The following TMEM135 variants were observed in gnomAD, a reference collection of about 807,000 sequenced individuals.
TMEM135 encodes the protein peroxisomal membrane protein 52.
Under a neutral mutation model 60.3 loss-of-function variants are expected in TMEM135, and 30 were observed. The ratio of observed to expected loss-of-function variants is 0.50; its 90% CI spans 0.37 to 0.68. TMEM135 has a LOEUF of 0.68. Ranked by LOEUF, TMEM135 falls within the 30% of genes least tolerant of loss-of-function variation. TMEM135 has a pLI of 0.00. For synonymous variants in TMEM135, 190 were observed against 186.7 expected (o/e 1.02, Z -0.14); for missense variants, 468 against 548.8 (o/e 0.85, Z 1.47).
At chr11:87,304,461 T>G (rs1396328258) in intron 8 of TMEM135, among the ~76,000 whole-genome samples, 1 of 142,446 alleles carries the variant, frequency 7.0e-6, no homozygotes, top group Non-Finnish European at 1.6e-5. Context: ...AGTGGACACT[T>G]AGAAGTGTGA....
At chr11:87,076,517 T>G (rs1856876951) in intron 3 of TMEM135, among the ~76,000 whole-genome samples, 1 of 152,198 alleles carries the variant, frequency 6.6e-6, no homozygotes, top group South Asian at 2.1e-4. Context: ...GGAGCCTGCT[T>G]GTTGCTTTAC....
intron 5 of TMEM135, among the ~76,000 whole-genome samples, chr11:87,173,050 A>G (rs2135291984): frequency 6.6e-6 from 1 of 152,162 alleles, no homozygotes; most frequent in Non-Finnish European, 1.5e-5. Flanking sequence ...TATACAAGGA[A>G]ACCTAGAAGT....
chr11:87,158,819 TC>T (rs541687925), intron 5 of TMEM135, among the ~76,000 whole-genome samples: 164 of 152,326 alleles, frequency 1.1e-3, no homozygotes, highest in African/African-American at 3.8e-3. Flanking sequence ...ACTTAATTGA[TC>T]CCTTTGTATT....
chr11:87,236,700 C>G lies in TMEM135; in HGVS notation c.509+16C>G. The G allele has an allele frequency of 1.2e-5, 19 of 1,607,880 alleles. No homozygotes were observed. Among genetic ancestry groups the G allele is most frequent in the Non-Finnish European group, 1.6e-5 (19 of 1,175,062 alleles). ...TCTTTTTCAGGTATGTTCTGTTATA[C>G]TTATTTACTTTAATACCCCAAACAG... On this transcript the variant is annotated intron_variant, in intron 6 of 14. Coordinates refer to ENST00000305494, the MANE Select transcript of TMEM135 (RefSeq NM_022918.4).
At chr11:87,235,186 T>A (rs1940969185) in intron 5 of TMEM135, among the ~76,000 whole-genome samples, 1 of 151,884 alleles carries the variant, frequency 6.6e-6, no homozygotes, top group South Asian at 2.1e-4. Context: ...TTTACATGCT[T>A]TAAGTTATGT....
chr11:87,321,506 T>TGC lies in TMEM135; in HGVS notation c.*174_*175insCG. 1.3e-6 allele frequency: 1 copy of TGC among 763,404 alleles called. No individual in the cohort carries two copies. The highest frequency in any genetic ancestry group is 1.5e-5 in the South Asian group (1 of 68,212). 47.3% of individuals were successfully genotyped at this position (763,404 alleles called of 1,614,324 possible). ...GAAATTCAGAAGCTTTTTAGGAAGA[T>TGC]GTTGCTTAATAATTAAGCTTCCTCC... On this transcript the variant is annotated 3_prime_UTR_variant, in exon 15 of 15. Coordinates refer to ENST00000305494, the MANE Select transcript of TMEM135 (RefSeq NM_022918.4).
rs1216111829 is a variant in TMEM135, at chr11:87,313,480, T to G, written c.992T>G (p.Ile331Ser). ...AACTTAGATGATGAACTACATGCTA[T>G]TATAGCTGGTAAAGCAATAATAAAA... Reference protein sequence around the residue: ...IRNLDDELHAIIAGFLAGISM... With the variant: ...IRNLDDELHASIAGFLAGISM... Residue 331 changes from isoleucine to serine, a missense_variant, in exon 11 of 15, where the codon ATT (isoleucine) becomes AGT (serine). Transcript: ENST00000305494. 1 of 1,610,106 alleles carries G rather than the reference T, an allele frequency of 6.2e-7. No individual in the cohort carries two copies. The highest frequency in any genetic ancestry group is 8.5e-7 in the Non-Finnish European group (1 of 1,177,054).
intron 5 of TMEM135, among the ~76,000 whole-genome samples, chr11:87,210,256 G>A (rs1251835525): frequency 6.6e-6 from 1 of 152,098 alleles, no homozygotes; most frequent in Non-Finnish European, 1.5e-5. Context: ...AAACAGGATT[G>A]TTGTGGCACT....
intron 4 of TMEM135, among the ~76,000 whole-genome samples, chr11:87,112,330 A>G (rs1857774553): frequency 6.6e-6 from 1 of 152,178 alleles, no homozygotes; most frequent in Admixed American, 6.5e-5. Flanking sequence ...AACTTATTTA[A>G]TTTACATTCA....
chr11:87,281,149 G>GGTAC, intron 6 of TMEM135, among the ~76,000 whole-genome samples: 1 of 152,064 alleles, frequency 6.6e-6, no homozygotes, highest in Non-Finnish European at 1.5e-5. Flanking sequence ...TGAGTATAGA[G>GGTAC]GTACTTGATG....
At chr11:87,044,271 C>G (rs1022598942) in intron 1 of TMEM135, among the ~76,000 whole-genome samples, 2 of 152,094 alleles carry the variant, frequency 1.3e-5, no homozygotes, top group Non-Finnish European at 2.9e-5. Flanking sequence ...TTGAAAACCA[C>G]TGATTGAAAA....
At chr11:87,309,432 T>C in intron 9 of TMEM135, 73 bp from the exon 10 acceptor site, 1 of 1,485,248 alleles carries the variant, frequency 6.7e-7, no homozygotes, top group Non-Finnish European at 9.4e-7. Flanking sequence ...TATTTTGAGA[T>C]GGTAAAATTC....
At chr11:87,055,237 C>CA (rs1238264291) in intron 1 of TMEM135, among the ~76,000 whole-genome samples, 1 of 151,982 alleles carries the variant, frequency 6.6e-6, no homozygotes, top group Non-Finnish European at 1.5e-5. Context: ...ATTTATGGCA[C>CA]AAAAAACAAA....
intron 3 of TMEM135, 28 bp downstream of exon 3, chr11:87,071,643 A>G (rs1306369368): frequency 3.8e-6 from 6 of 1,580,998 alleles, no homozygotes; most frequent in Non-Finnish European, 5.2e-6. Flanking sequence ...TATTTAACGG[A>G]ACTGATTACC....
At chr11:87,175,588 C>T (rs1208813161) in intron 5 of TMEM135, among the ~76,000 whole-genome samples, 1 of 151,202 alleles carries the variant, frequency 6.6e-6, no homozygotes, top group Non-Finnish European at 1.5e-5. Context: ...ATAATTTTGT[C>T]CTTAAACAAA....
At chr11:87,176,157 A>T (rs1939361597) in intron 5 of TMEM135, among the ~76,000 whole-genome samples, 2 of 152,110 alleles carry the variant, frequency 1.3e-5, no homozygotes, top group South Asian at 4.1e-4. Context: ...TGTTTGGGTC[A>T]TGGGGGCAGA....
At chr11:87,095,541 T>C (rs11234962) in intron 4 of TMEM135, 16,123 of 199,002 alleles carry the variant, frequency 0.081, 747 homozygotes, top group East Asian at 0.18. Context: ...CTGATACATT[T>C]AAGCCTGTCC....
At chr11:87,286,959 TACTG>T (rs1318089325) in intron 6 of TMEM135, among the ~76,000 whole-genome samples, 6 of 152,238 alleles carry the variant, frequency 3.9e-5, no homozygotes, top group Non-Finnish European at 5.9e-5. Flanking sequence ...TTAATTTTGA[TACTG>T]AGTGACTTAG....
intron 4 of TMEM135, among the ~76,000 whole-genome samples, chr11:87,134,911 C>G (rs557745625): frequency 5.1e-4 from 78 of 152,192 alleles, no homozygotes; most frequent in Admixed American, 9.2e-4. Flanking sequence ...TTGGAAAGGC[C>G]AGTCTTTTAA....
Sources: gnomAD v4.1 joint callset for allele counts (sites outside exome capture counted in the v4.1 genomes callset) on GRCh38, gnomAD v4.1.1 for gene constraint, MANE v1.5 for transcripts, NCBI Gene and HGNC (gene_info 2026-07-23, HGNC 2026-07-21) for gene names.